Variants in OTOGL observed in about 807,000 individuals in gnomAD.
OTOGL encodes the protein otogelin like, also known as otogelin-like protein.
A neutral mutation model predicts 318.5 loss-of-function variants in OTOGL; 285 were observed. That is an observed-to-expected ratio of 0.89 (90% confidence interval 0.81 to 0.99). The LOEUF (loss-of-function observed/expected upper bound fraction) is 0.99, where lower values mean the gene tolerates loss of function less well. Ranked by LOEUF, OTOGL falls within the 50% of genes least tolerant of loss-of-function variation. The pLI is 0.00. For synonymous variants in OTOGL, 987 were observed against 936.5 expected, an observed-to-expected ratio of 1.05 and a Z score of -0.99; for missense variants, 2,899 against 2,845.6, an observed-to-expected ratio of 1.02 and a Z score of -0.43.
At chr12:80,185,638 G>A (rs1311567467) in intron 1 of OTOGL, among the ~76,000 whole-genome samples, 1 of 152,094 alleles carries the variant, frequency 6.6e-6, no homozygotes, top group Non-Finnish European at 1.5e-5. Context: ...TGTAAAAAGG[G>A]ATAATAATGG....
chr12:80,122,702 G>C (rs747171443), intron 1 of OTOGL, among the ~76,000 whole-genome samples: 1 of 152,060 alleles, frequency 6.6e-6, no homozygotes, highest in Non-Finnish European at 1.5e-5. Flanking sequence ...GAGTATGCAC[G>C]AGTCTGACAC....
At chr12:80,244,893 T>C (rs1880730966) in intron 11 of OTOGL, among the ~76,000 whole-genome samples, 1 of 146,914 alleles carries the variant, frequency 6.8e-6, no homozygotes, top group South Asian at 2.1e-4. Context: ...ATAGTGGTTT[T>C]GATTTGCATT....
At position 80,140,195 on chromosome 12, in the gene OTOGL, A is replaced by T. The variant is rs937028259; in HGVS notation, c.-20+40590A>T. 2.6e-5 allele frequency among the ~76,000 whole-genome samples: 4 copies of T among 152,148 alleles called. No individual in the cohort carries two copies. The East Asian group carries it at 7.7e-4, about 29-fold the overall frequency. On this transcript the variant is annotated intron_variant, in intron 1 of 58. Transcript: ENST00000547103. ...GTGGATTCTAGCACTGATCTCCTTC[A>T]TACCACAGATGTCTTCTGGGAGCGT...
At chr12:80,341,865 A>C in intron 43 of OTOGL, 83 bp from the exon 44 acceptor site, 1 of 919,958 alleles carries the variant, frequency 1.1e-6, no homozygotes, top group African/African-American at 1.7e-5. Flanking sequence ...TTGTTCATTT[A>C]AAATCAATTA....
intron 45 of OTOGL, among the ~76,000 whole-genome samples, chr12:80,352,866 C>A (rs1170845922): frequency 1.3e-5 from 2 of 152,164 alleles, no homozygotes; most frequent in Non-Finnish European, 2.9e-5. Flanking sequence ...TTATAAACTG[C>A]TCACCAATAG....
Position 80,254,537 on chromosome 12 carries a change from G to A in OTOGL, c.1408G>A (p.Gly470Arg), listed in dbSNP as rs1341150170. ...QECTECVCVG[G>R]VWNCTEQDCP... Reference sequence around the variant, plus strand: ...AATTTCTTTTAGTGTGTGTGTTGGTGGAGTTTGGAACTGCACTGAGCAAGA... The same window carrying A: ...AATTTCTTTTAGTGTGTGTGTTGGTAGAGTTTGGAACTGCACTGAGCAAGA... The change falls in exon 15 of 59, where the codon GGA becomes AGA. Residue 470 changes from glycine (G) to arginine (R), a missense_variant. Coordinates refer to ENST00000547103, the MANE Select transcript of OTOGL (RefSeq NM_001378609.3). 2 of 1,607,474 alleles carry A rather than the reference G, an allele frequency of 1.2e-6. No individual in the cohort carries two copies. The highest frequency in any genetic ancestry group is 1.7e-6 in the Non-Finnish European group (2 of 1,175,448).
At chr12:80,196,522 C>T (rs1876079646) in intron 1 of OTOGL, among the ~76,000 whole-genome samples, 1 of 152,108 alleles carries the variant, frequency 6.6e-6, no homozygotes, top group Non-Finnish European at 1.5e-5. Flanking sequence ...CAGTCCTTTG[C>T]CTGCTGGCCC....
chr12:80,321,982 G>C (rs942262863), intron 34 of OTOGL, among the ~76,000 whole-genome samples: 1 of 152,170 alleles, frequency 6.6e-6, no homozygotes, highest in Non-Finnish European at 1.5e-5. Context: ...AAAGCACTCT[G>C]CCCTGGATTT....
intron 1 of OTOGL, among the ~76,000 whole-genome samples, chr12:80,141,956 C>T (rs992849799): frequency 1.3e-5 from 2 of 151,982 alleles, no homozygotes; most frequent in Non-Finnish European, 2.9e-5. Flanking sequence ...AGAAACTGGC[C>T]CCTACACTCC....
intron 1 of OTOGL, among the ~76,000 whole-genome samples, chr12:80,184,195 T>C (rs1193397871): frequency 2.0e-5 from 3 of 152,212 alleles, no homozygotes; most frequent in Non-Finnish European, 4.4e-5. Flanking sequence ...GACCTTAAAC[T>C]ATTTCTCAAT....
intron 1 of OTOGL, among the ~76,000 whole-genome samples, chr12:80,177,486 C>G (rs1291531236): frequency 2.0e-5 from 3 of 152,122 alleles, no homozygotes; most frequent in Non-Finnish European, 4.4e-5. Context: ...TGCCTTAACA[C>G]AAATACCATA....
intron 11 of OTOGL, among the ~76,000 whole-genome samples, chr12:80,250,726 A>G (rs912266484): frequency 4.6e-5 from 7 of 152,228 alleles, no homozygotes; most frequent in African/African-American, 1.7e-4. Context: ...CTTTTACAAT[A>G]GTGACACTGA....
At chr12:80,324,482 A>G (rs1459766364) in intron 35 of OTOGL, among the ~76,000 whole-genome samples, 4 of 152,248 alleles carry the variant, frequency 2.6e-5, no homozygotes, top group Non-Finnish European at 5.9e-5. Context: ...GGCAAATCAT[A>G]TAAGGCTTTG....
chr12:80,341,958 T>A lies in OTOGL; in HGVS notation c.5061T>A (p.Asn1687Lys). Residue 1687 changes from asparagine (N) to lysine (K), a missense_variant, in exon 44 of 59, where the codon AAT (asparagine) becomes AAA (lysine). Asn to Lys is a moderately conservative substitution (Grantham distance 94). Around this residue, in one of 3 missense-constraint regions of OTOGL, gnomAD observed 2,607 missense variants for 2,524.9 expected, o/e 1.03. Coordinates refer to ENST00000547103, the MANE Select transcript of OTOGL (RefSeq NM_001378609.3). ...ATATATTCTTTCAAGGAATTTGCAA[T>A]GAAGATCCGGATGATGATCTAAGGA... ...SYTEGLCGIC[N>K]EDPDDDLRMQ... 6.2e-7 allele frequency: 1 copy of A among 1,601,750 alleles called. No individual in the cohort carries two copies. Among genetic ancestry groups the A allele is most frequent in the Admixed American group, 1.7e-5 (1 of 59,046 alleles).
rs569580156 is a variant in OTOGL, at chr12:80,205,577, C to T, written c.-19-3836C>T. Among the ~76,000 whole-genome samples, 368 of 152,252 alleles carry T rather than the reference C, an allele frequency of 2.4e-3. 1 individual carries two copies. The highest frequency in any genetic ancestry group is 8.6e-3 in the African/African-American group (358 of 41,552). On this transcript the variant is annotated intron_variant, in intron 1 of 58. Coordinates refer to ENST00000547103, the MANE Select transcript of OTOGL (RefSeq NM_001378609.3). ...GCACAAATAGAATACTACAAACTAT[C>T]TTGTAATAAGACAGTTACATTCAGA... is the stretch of plus-strand genomic sequence containing the variant.
At chr12:80,322,310 C>T (rs1887392182) in intron 34 of OTOGL, among the ~76,000 whole-genome samples, 2 of 152,166 alleles carry the variant, frequency 1.3e-5, no homozygotes, top group Admixed American at 1.3e-4. Flanking sequence ...CCCCTCTGCT[C>T]TAGAAATCTG....
At chr12:80,253,026 C>G (rs12306506) in intron 13 of OTOGL, among the ~76,000 whole-genome samples, 7,162 of 152,242 alleles carry the variant, frequency 0.047, 582 homozygotes, top group African/African-American at 0.16. Context: ...ACCTGTCAGA[C>G]AGCAGTAACA....
Position 80,337,001 on chromosome 12 carries a change from A to G in OTOGL, c.4857A>G (p.Arg1619=), listed in dbSNP as rs2137917089. Residue 1619 remains arginine, a synonymous_variant, in exon 42 of 59, where the codon AGA becomes AGG. Transcript: ENST00000547103. ...IHKIIVNRLA[R]KVEVDSIVVP... ...AAATAATTGTCAATCGGTTGGCAAG[A>G]AAGGTAAGAATACAAAGTTAAAATT... 1 of 1,568,122 alleles carries G rather than the reference A, an allele frequency of 6.4e-7. No homozygotes were observed. Among genetic ancestry groups the G allele is most frequent in the East Asian group, 2.3e-5 (1 of 43,414 alleles).
intron 1 of OTOGL, among the ~76,000 whole-genome samples, chr12:80,158,613 T>C (rs574590634): frequency 1.3e-5 from 2 of 152,176 alleles, no homozygotes; most frequent in South Asian, 4.1e-4. Context: ...TGGGTAGAGT[T>C]CTTGATTTGA....
Sources: allele counts gnomAD v4.1 joint callset (sites outside exome capture counted in the v4.1 genomes callset), GRCh38; gene constraint gnomAD v4.1.1; regional missense constraint gnomAD v4.1.1; transcripts MANE v1.5; gene names NCBI Gene and HGNC (gene_info 2026-07-23, HGNC 2026-07-21).